Variants in SDHAF3 observed in about 807,000 individuals in gnomAD.
SDHAF3 encodes the protein succinate dehydrogenase complex assembly factor 3, also known as succinate dehydrogenase assembly factor 3, mitochondrial.
In SDHAF3, 18 loss-of-function variants were observed where a neutral mutation model predicts 11.5. The observed-to-expected ratio is 1.56, with a 90% CI of 1.08 to 2.32. The LOEUF (loss-of-function observed/expected upper bound fraction) is 2.32, where lower values mean the gene tolerates loss of function less well. SDHAF3 is among the 30% of genes most tolerant of loss of function. The probability of loss-of-function intolerance (pLI) is 0.00; values close to 1 mark genes in which losing one functional copy is unlikely to be tolerated. For missense variants in SDHAF3, 200 were observed against 154.4 expected (o/e 1.30, Z -1.57); for synonymous variants, 72 against 59.3 (o/e 1.21, Z -0.99).
rs533639321 is a variant in SDHAF3 at position 97,164,357 on chromosome 7, A to G, written c.175-16655A>G. Among the ~76,000 whole-genome samples the G allele has an allele frequency of 4.0e-5, 6 of 149,172 alleles. 1 individual carries two copies. In the South Asian group the frequency reaches 1.3e-3, roughly 32 times the overall value. On this transcript the variant is annotated intron_variant, in intron 1 of 1. Transcript: ENST00000432641. ...GTGGCAAGGTAATTATTATCTCTAA[A>G]CTAAAGGTGTATTGGTTCATAGTTC... is the stretch of plus-strand genomic sequence containing the variant.
chr7:97,167,395 T>G (rs1455214703), intron 1 of SDHAF3, among the ~76,000 whole-genome samples: 1 of 152,176 alleles, frequency 6.6e-6, no homozygotes. Context: ...GCTACCAAAC[T>G]GTGAGTCAAA....
At chr7:97,154,136 C>A (rs528917025) in intron 1 of SDHAF3, among the ~76,000 whole-genome samples, 1 of 145,746 alleles carries the variant, frequency 6.9e-6, no homozygotes, top group African/African-American at 2.6e-5. Context: ...AGTACATTCT[C>A]AAGGGTGGGG....
At chr7:97,141,239 A>C (rs1789033022) in intron 1 of SDHAF3, among the ~76,000 whole-genome samples, 1 of 152,134 alleles carries the variant, frequency 6.6e-6, no homozygotes, top group Admixed American at 6.5e-5. Flanking sequence ...CTTCATTAGC[A>C]ATTTTAATTT....
chr7:97,125,179 C>T (rs567479898), intron 1 of SDHAF3, among the ~76,000 whole-genome samples: 33 of 152,140 alleles, frequency 2.2e-4, no homozygotes, highest in African/African-American at 6.5e-4. Context: ...TTCAAAAAAA[C>T]GGCTCCGATT....
At chr7:97,156,932 A>G (rs1789310666) in intron 1 of SDHAF3, among the ~76,000 whole-genome samples, 1 of 152,000 alleles carries the variant, frequency 6.6e-6, no homozygotes, top group African/African-American at 2.4e-5. Context: ...TCAACTCGTC[A>G]TTTACATTAG....
chr7:97,156,185 G>T (rs1789299329), intron 1 of SDHAF3, among the ~76,000 whole-genome samples: 1 of 152,198 alleles, frequency 6.6e-6, no homozygotes, highest in Non-Finnish European at 1.5e-5. Flanking sequence ...TCTAGGCTGT[G>T]AGAGTTTCTC....
At chr7:97,161,253 G>A (rs142199596) in intron 1 of SDHAF3, among the ~76,000 whole-genome samples, 170 of 152,262 alleles carry the variant, frequency 1.1e-3, no homozygotes, top group African/African-American at 3.8e-3. Context: ...GGTAGGTTAA[G>A]TGTGTTAAAT....
intron 1 of SDHAF3, among the ~76,000 whole-genome samples, chr7:97,130,836 A>G (rs959506245): frequency 6.6e-6 from 1 of 152,220 alleles, no homozygotes; most frequent in African/African-American, 2.4e-5. Flanking sequence ...GTCTGAGTCC[A>G]GGGGTTTTTA....
At chr7:97,157,215 T>C (rs1789316123) in intron 1 of SDHAF3, among the ~76,000 whole-genome samples, 1 of 152,224 alleles carries the variant, frequency 6.6e-6, no homozygotes. Flanking sequence ...TCAAAAGTTG[T>C]CATTTTACTG....
At chr7:97,173,437 TTC>T (rs1789634678) in intron 1 of SDHAF3, among the ~76,000 whole-genome samples, 1 of 152,170 alleles carries the variant, frequency 6.6e-6, no homozygotes, top group African/African-American at 2.4e-5. Flanking sequence ...CCCCACTTAT[TTC>T]TCTTTCTCCC....
chr7:97,165,210 C>A (rs1247158521), intron 1 of SDHAF3, among the ~76,000 whole-genome samples: 1 of 152,110 alleles, frequency 6.6e-6, no homozygotes, highest in African/African-American at 2.4e-5. Flanking sequence ...TGGCGTGAAC[C>A]CAGGAGGCGG....
intron 1 of SDHAF3, among the ~76,000 whole-genome samples, chr7:97,118,480 T>A (rs1338151291): frequency 6.6e-6 from 1 of 151,966 alleles, no homozygotes; most frequent in Non-Finnish European, 1.5e-5. Context: ...TCTCAAGTCA[T>A]TGTTACTTCG....
Position 97,181,034 on chromosome 7 carries a change from AAC to A in SDHAF3, c.199_200del (p.Gln67GlyfsTer2). 6.2e-7 allele frequency: 1 copy of A among 1,613,964 alleles called. No individual in the cohort carries two copies. Among genetic ancestry groups the A allele is most frequent in the Non-Finnish European group, 8.5e-7 (1 of 1,179,904 alleles). On this transcript the variant is annotated frameshift_variant, in exon 2 of 2. Transcript: ENST00000432641. LOFTEE classifies it high-confidence loss of function. Reference sequence around the variant, plus strand: ...TAGGTGTATGCAACAGCGTTATTGCAACAGGCTAACGAAAACAGACAAAATTC... The same window carrying A: ...TAGGTGTATGCAACAGCGTTATTGCAAGGCTAACGAAAACAGACAAAATTC...
chr7:97,148,070 AT>A (rs1789163327), intron 1 of SDHAF3, among the ~76,000 whole-genome samples: 1 of 151,844 alleles, frequency 6.6e-6, no homozygotes, highest in Admixed American at 6.6e-5. Flanking sequence ...TGCTCAGATA[AT>A]TTTTGTAGAG....
chr7:97,124,637 G>A (rs955817960), intron 1 of SDHAF3, among the ~76,000 whole-genome samples: 1 of 152,158 alleles, frequency 6.6e-6, no homozygotes, highest in Non-Finnish European at 1.5e-5. Flanking sequence ...AGCATGGAAG[G>A]TTTTTCCATT....
intron 1 of SDHAF3, among the ~76,000 whole-genome samples, chr7:97,153,622 T>C (rs1357356656): frequency 6.6e-6 from 1 of 152,254 alleles, no homozygotes; most frequent in African/African-American, 2.4e-5. Flanking sequence ...TTAGAAATTG[T>C]AAAGTGTCTT....
chr7:97,137,868 C>CTTTTTT (rs11381462), intron 1 of SDHAF3, among the ~76,000 whole-genome samples: 9 of 69,090 alleles, frequency 1.3e-4, no homozygotes, highest in Non-Finnish European at 2.1e-4. Flanking sequence ...ATTCCATTCG[C>CTTTTTT]TTTTTTTTTT....
intron 1 of SDHAF3, among the ~76,000 whole-genome samples, chr7:97,171,469 A>T (rs1051507958): frequency 1.3e-5 from 2 of 152,116 alleles, no homozygotes; most frequent in African/African-American, 2.4e-5. Context: ...CATCAGACTA[A>T]TTCTGATTGT....
intron 1 of SDHAF3, among the ~76,000 whole-genome samples, chr7:97,131,888 GAAT>G (rs948727328): frequency 2.0e-5 from 3 of 152,070 alleles, no homozygotes; most frequent in East Asian, 3.9e-4. Flanking sequence ...TCCAATGATA[GAAT>G]AATGAAATTA....
Sources: gnomAD v4.1 joint callset for allele counts (sites outside exome capture counted in the v4.1 genomes callset) on GRCh38, gnomAD v4.1.1 for gene constraint, MANE v1.5 for transcripts, NCBI Gene and HGNC (gene_info 2026-07-23, HGNC 2026-07-21) for gene names.